The following JAZF1 variants were observed in gnomAD, a reference collection of about 807,000 sequenced individuals.
The protein encoded by JAZF1 is JAZF zinc finger 1.
In JAZF1, 8 loss-of-function variants were observed where a neutral mutation model predicts 26.4. The ratio of observed to expected loss-of-function variants is 0.30; its 90% confidence interval spans 0.18 to 0.55. The LOEUF (loss-of-function observed/expected upper bound fraction) is 0.55, where lower values mean the gene tolerates loss of function less well. Among genes scored for constraint, JAZF1 ranks in the 20% least tolerant of loss-of-function variants. The pLI is 0.94. For synonymous variants in JAZF1, 126 were observed against 122.3 expected (o/e 1.03, Z -0.20); for missense variants, 199 against 322.0 (o/e 0.62, Z 2.92).
intron 2 of JAZF1, among the ~76,000 whole-genome samples, chr7:27,905,975 A>G (rs1784249066): frequency 6.6e-6 from 1 of 152,240 alleles, no homozygotes; most frequent in African/African-American, 2.4e-5. Context: ...TATTTATAAC[A>G]TACTGTTTAC....
At chr7:27,905,216 G>T (rs1784232080) in intron 2 of JAZF1, among the ~76,000 whole-genome samples, 1 of 152,078 alleles carries the variant, frequency 6.6e-6, no homozygotes, top group Admixed American at 6.6e-5. Flanking sequence ...TCGTTGCCTT[G>T]GCCTCCCAAA....
At chr7:28,011,751 T>TA (rs748003113) in intron 1 of JAZF1, among the ~76,000 whole-genome samples, 2 of 152,104 alleles carry the variant, frequency 1.3e-5, no homozygotes, top group Admixed American at 6.5e-5. Flanking sequence ...TGGGCCCTCA[T>TA]AAAAAATGAT....
rs528285563 is a variant in JAZF1 at position 28,068,071 on chromosome 7, G to T, written c.116-76090C>A. On this transcript the variant is annotated intron_variant, in intron 1 of 4. Coordinates refer to ENST00000283928, the MANE Select transcript of JAZF1 (RefSeq NM_175061.4). ...TGGGATTACAGGTGCACACCAACAC[G>T]CCCAGCTAATTTTTTGTATATTTAG... 2.0e-5 allele frequency among the ~76,000 whole-genome samples: 3 copies of T among 152,074 alleles called. No individual in the cohort carries two copies. The East Asian group carries it at 5.8e-4, about 29-fold the overall frequency.
intron 2 of JAZF1, among the ~76,000 whole-genome samples, chr7:27,930,138 G>T (rs1462730574): frequency 6.6e-6 from 1 of 152,090 alleles, no homozygotes. Flanking sequence ...TGGGATTACA[G>T]GCACCTGCCA....
intron 3 of JAZF1, among the ~76,000 whole-genome samples, chr7:27,876,436 C>T (rs1234967346): frequency 6.6e-6 from 1 of 152,124 alleles, no homozygotes; most frequent in East Asian, 1.9e-4. Context: ...CCTTTCTGCC[C>T]TTCTCCCTCC....
intron 3 of JAZF1, among the ~76,000 whole-genome samples, chr7:27,856,294 C>A (rs12669221): frequency 2.7e-4 from 41 of 152,260 alleles, no homozygotes; most frequent in African/African-American, 9.9e-4. Flanking sequence ...TTGTTCCTCC[C>A]GGTGGGTTCG....
At chr7:28,095,112 C>A (rs1784362874) in intron 1 of JAZF1, among the ~76,000 whole-genome samples, 1 of 152,190 alleles carries the variant, frequency 6.6e-6, no homozygotes, top group Non-Finnish European at 1.5e-5. Context: ...CACGCAACCT[C>A]TCCCATCTTA....
At chr7:28,041,382 T>C (rs1279915022) in intron 1 of JAZF1, among the ~76,000 whole-genome samples, 2 of 152,012 alleles carry the variant, frequency 1.3e-5, no homozygotes, top group Non-Finnish European at 2.9e-5. Flanking sequence ...ATAAATAGTT[T>C]ATAATTTGGT....
intron 1 of JAZF1, among the ~76,000 whole-genome samples, chr7:28,042,178 G>A (rs1247280003): frequency 1.3e-5 from 2 of 152,236 alleles, no homozygotes; most frequent in Non-Finnish European, 2.9e-5. Flanking sequence ...ATATTTCAAA[G>A]AGATGGAGCC....
chr7:27,882,070 A>T (rs939870176), intron 3 of JAZF1, among the ~76,000 whole-genome samples: 3 of 152,244 alleles, frequency 2.0e-5, no homozygotes, highest in African/African-American at 7.2e-5. Context: ...GGACCGACTA[A>T]TTCATTCAAA....
intron 1 of JAZF1, among the ~76,000 whole-genome samples, chr7:28,137,240 A>G (rs1583580000): frequency 6.6e-6 from 1 of 152,200 alleles, no homozygotes; most frequent in African/African-American, 2.4e-5. Context: ...AGCAACACAC[A>G]AAGGGTCTAG....
intron 1 of JAZF1, among the ~76,000 whole-genome samples, chr7:28,170,853 C>T (rs1270352806): frequency 6.6e-6 from 1 of 152,174 alleles, no homozygotes; most frequent in Non-Finnish European, 1.5e-5. Flanking sequence ...CACCTGGCAG[C>T]AAAGCCGGCC....
intron 1 of JAZF1, among the ~76,000 whole-genome samples, chr7:28,177,658 T>G (rs1446781178): frequency 2.0e-5 from 3 of 152,112 alleles, no homozygotes; most frequent in African/African-American, 7.2e-5. Flanking sequence ...ATAACACACC[T>G]CTTATTCTTT....
chr7:27,858,597 C>T (rs1471499674), intron 3 of JAZF1, among the ~76,000 whole-genome samples: 1 of 152,174 alleles, frequency 6.6e-6, no homozygotes, highest in Non-Finnish European at 1.5e-5. Context: ...ACCATCTGAT[C>T]TTTGACAAAC....
chr7:28,117,383 T>C (rs375800671), intron 1 of JAZF1, among the ~76,000 whole-genome samples: 33 of 152,360 alleles, frequency 2.2e-4, no homozygotes, highest in African/African-American at 7.7e-4. Context: ...TTCTTAAAAA[T>C]ATCATTTTTC....
At chr7:27,964,961 G>A (rs1208695745) in intron 2 of JAZF1, among the ~76,000 whole-genome samples, 2 of 152,062 alleles carry the variant, frequency 1.3e-5, no homozygotes, top group Non-Finnish European at 2.9e-5. Flanking sequence ...GTGTATGTTC[G>A]CATGTGTTTC....
intron 1 of JAZF1, among the ~76,000 whole-genome samples, chr7:28,075,847 T>C (rs1486453742): frequency 4.6e-5 from 7 of 152,236 alleles, no homozygotes; most frequent in African/African-American, 1.7e-4. Context: ...AATTTGACAC[T>C]GGTTATCTTG....
intron 2 of JAZF1, among the ~76,000 whole-genome samples, chr7:27,936,410 G>A (rs1784763750): frequency 1.3e-5 from 2 of 152,198 alleles, no homozygotes; most frequent in African/African-American, 4.8e-5. Context: ...CCTCATACGT[G>A]TCTATACCAA....
rs957735579 is a variant in JAZF1 at position 28,152,910 on chromosome 7, AC to A, written c.115+27552del. The stretch of plus-strand genomic sequence containing the variant: ...CACAGAAATACATTTGAATTTTACA[AC>A]TTTTTCATAACTATTATGATTACAT... On this transcript the variant is annotated intron_variant, in intron 1 of 4. Coordinates refer to ENST00000283928, the MANE Select transcript of JAZF1 (RefSeq NM_175061.4). Among the ~76,000 whole-genome samples, 219 of 152,360 alleles carry A rather than the reference AC, an allele frequency of 1.4e-3. 1 individual carries two copies. The highest frequency in any genetic ancestry group is 5.2e-3 in the African/African-American group (216 of 41,584).
Sources: gnomAD v4.1 joint callset for allele counts (sites outside exome capture counted in the v4.1 genomes callset) on GRCh38, gnomAD v4.1.1 for gene constraint, MANE v1.5 for transcripts, NCBI Gene and HGNC (gene_info 2026-07-23, HGNC 2026-07-21) for gene names.